Variants in ROPN1B observed in about 807,000 individuals in gnomAD.
ROPN1B encodes ropporin-1B.
In ROPN1B, 13 loss-of-function variants were observed where a neutral mutation model predicts 23.7. The observed-to-expected ratio is 0.55, with a 90% CI of 0.36 to 0.87. The LOEUF (loss-of-function observed/expected upper bound fraction) is 0.87. Ranked by LOEUF, ROPN1B falls within the 40% of genes least tolerant of loss-of-function variation. The pLI is 0.01. For synonymous variants in ROPN1B, 67 were observed against 100.4 expected (o/e 0.67, Z 1.99); for missense variants, 183 against 249.2 (o/e 0.73, Z 1.79).
chr3:125,977,405 T>C (rs1450027925), intron 5 of ROPN1B: 1 of 556,322 alleles, frequency 1.8e-6, no homozygotes, highest in African/African-American at 1.9e-5. Context: ...GACTACAGTG[T>C]AGCTCTTGGA....
At chr3:125,970,911 T>C (rs1374250443) in intron 1 of ROPN1B, among the ~76,000 whole-genome samples, 1 of 152,194 alleles carries the variant, frequency 6.6e-6, no homozygotes, top group Non-Finnish European at 1.5e-5. Context: ...CCTGGGGGAC[T>C]GTTTCTCTCC....
intron 5 of ROPN1B, among the ~76,000 whole-genome samples, chr3:125,979,016 T>C (rs533585081): frequency 6.6e-6 from 1 of 152,200 alleles, no homozygotes; most frequent in East Asian, 1.9e-4. Flanking sequence ...AACAAGGAGG[T>C]GGGATTCAAT....
rs566310881 is a variant in ROPN1B at position 125,972,165 on chromosome 3, G to A, written c.111G>A (p.Gly37=). 2.8e-5 allele frequency: 45 copies of A among 1,614,184 alleles called. No homozygotes were observed. The highest frequency in any genetic ancestry group is 1.6e-4 in the South Asian group (15 of 91,078). ...RAQPQDLIQW[G]ADYFEALSRG... Reference sequence around the variant, plus strand: ...AGCCGCAGGACCTCATCCAGTGGGGGGCCGAGTACGTGCTCCTTTCTCGCC... The same window carrying A: ...AGCCGCAGGACCTCATCCAGTGGGGAGCCGAGTACGTGCTCCTTTCTCGCC... The change falls in exon 3 of 7, where the codon GGG becomes GGA. Residue 37 remains glycine, a synonymous_variant. Transcript: ENST00000514116.
intron 5 of ROPN1B, among the ~76,000 whole-genome samples, chr3:125,981,682 C>A (rs1459852895): frequency 6.6e-6 from 1 of 152,056 alleles, no homozygotes; most frequent in South Asian, 2.1e-4. Flanking sequence ...ATTTCCCCAG[C>A]AATAAAAGGG....
chr3:125,980,671 G>T (rs1246044632), intron 5 of ROPN1B, among the ~76,000 whole-genome samples: 6 of 152,114 alleles, frequency 3.9e-5, no homozygotes, highest in African/African-American at 1.2e-4. Context: ...ATTTTAGGGG[G>T]AACAATTCAG....
At position 125,969,420 on chromosome 3, in the gene ROPN1B, G is replaced by A. The variant is rs1938111235; in HGVS notation, c.-59+20G>A. ...CCTGAGGTAGCCACCCCGAGGGGAA[G>A]TGGAGGGAGGGCAGGGCTCTGAGCG... On this transcript the variant is annotated intron_variant, in intron 1 of 6. Transcript: ENST00000514116. The A allele has an allele frequency of 1.3e-5, 1 of 76,330 alleles. No homozygotes were observed. The highest frequency in any genetic ancestry group is 8.7e-5 in the African/African-American group (1 of 11,486). The allele number at this position is 76,330 out of a possible 1,614,324, so 4.7% of individuals were successfully genotyped here. A position where few individuals can be genotyped will look rare whatever the true frequency, so the allele number is the denominator to read the frequency against.
chr3:125,978,024 T>G (rs769933947), intron 5 of ROPN1B: 3 of 152,262 alleles, frequency 2.0e-5, no homozygotes, highest in Non-Finnish European at 4.4e-5. Flanking sequence ...TTGACACGTT[T>G]GTTTCTGAGA....
intron 4 of ROPN1B, among the ~76,000 whole-genome samples, chr3:125,976,631 G>A (rs1168413641): frequency 6.6e-6 from 1 of 152,130 alleles, no homozygotes; most frequent in Middle Eastern, 3.2e-3. Flanking sequence ...TTAATTAGTG[G>A]TCTCAGGTAA....
chr3:125,978,615 G>T (rs1328066579), intron 5 of ROPN1B, among the ~76,000 whole-genome samples: 1 of 152,190 alleles, frequency 6.6e-6, no homozygotes, highest in Non-Finnish European at 1.5e-5. Context: ...TGGTCTCCAT[G>T]GTAATGCCTA....
intron 5 of ROPN1B, among the ~76,000 whole-genome samples, chr3:125,979,702 T>A (rs1243144130): frequency 6.6e-6 from 1 of 152,234 alleles, no homozygotes; most frequent in Non-Finnish European, 1.5e-5. Context: ...AATTCATATA[T>A]CCTTAGAGGC....
intron 6 of ROPN1B, 151 bp downstream of exon 6, chr3:125,982,596 G>A: frequency 3.0e-6 from 2 of 669,182 alleles, no homozygotes; most frequent in Non-Finnish European, 4.8e-6. Context: ...AGAAAGGGAA[G>A]GAGAAGAGGA....
intron 5 of ROPN1B, among the ~76,000 whole-genome samples, chr3:125,980,897 A>G (rs1356167852): frequency 6.6e-6 from 1 of 152,158 alleles, no homozygotes; most frequent in Non-Finnish European, 1.5e-5. Context: ...TATACTTGTT[A>G]GCCCCATGCC....
At chr3:125,972,793 A>G (rs1021006193) in intron 3 of ROPN1B, 1 of 377,406 alleles carries the variant, frequency 2.6e-6, no homozygotes, top group Non-Finnish European at 5.2e-6. Flanking sequence ...ATGTCCTCAC[A>G]GTACACACTG....
intron 5 of ROPN1B, among the ~76,000 whole-genome samples, chr3:125,980,966 T>C (rs1026125951): frequency 7.2e-5 from 11 of 152,212 alleles, no homozygotes; most frequent in South Asian, 4.2e-4. Flanking sequence ...TGTTTCACAA[T>C]GATTTCCATG....
At chr3:125,975,457 T>A in intron 3 of ROPN1B, 106 bp from the exon 4 acceptor site, 1 of 1,189,906 alleles carries the variant, frequency 8.4e-7, no homozygotes, top group Non-Finnish European at 1.2e-6. Context: ...TTACAAAGGT[T>A]CCTTTCTCTA....
intron 3 of ROPN1B, 73 bp from the exon 4 acceptor site, chr3:125,975,490 G>A (rs1938371934): frequency 6.9e-7 from 1 of 1,439,652 alleles, no homozygotes. Flanking sequence ...AGAAGAAGGG[G>A]GAAGGATTGC....
At chr3:125,975,713 T>C (rs1465711010) in intron 4 of ROPN1B, 33 bp downstream of exon 4, 2 of 1,575,642 alleles carry the variant, frequency 1.3e-6, no homozygotes, top group East Asian at 2.2e-5. Flanking sequence ...GAGGAGAATG[T>C]AGGGACAGTG....
At position 125,983,424 on chromosome 3, in the gene ROPN1B, A is replaced by G; in HGVS notation, c.*104A>G. ...ATCAATTTTCTTGTACAACTGGTAC[A>G]CACTAATAAACAAACATGTGAGATC... On this transcript the variant is annotated 3_prime_UTR_variant, in exon 7 of 7. Transcript: ENST00000514116. 1 of 756,360 alleles carries G rather than the reference A, an allele frequency of 1.3e-6. No individual in the cohort carries two copies. Among genetic ancestry groups the G allele is most frequent in the Non-Finnish European group, 2.3e-6 (1 of 429,640 alleles). 46.9% of individuals were successfully genotyped at this position (756,360 alleles called of 1,614,324 possible).
chr3:125,982,561 T>G (rs747414706), intron 6 of ROPN1B, 116 bp downstream of exon 6: 1 of 790,926 alleles, frequency 1.3e-6, no homozygotes, highest in African/African-American at 1.8e-5. Context: ...AGTGAGGACA[T>G]GAAATATCGA....
Sources: gnomAD v4.1 joint callset for allele counts (sites outside exome capture counted in the v4.1 genomes callset) on GRCh38, gnomAD v4.1.1 for gene constraint, MANE v1.5 for transcripts, NCBI Gene and HGNC (gene_info 2026-07-23, HGNC 2026-07-21) for gene names.